Variants in SLCO2A1 observed in about 807,000 individuals in gnomAD.
SLCO2A1 encodes solute carrier organic anion transporter family member 2A1.
Under a neutral mutation model 71.7 loss-of-function variants are expected in SLCO2A1, and 60 were observed. That is an observed-to-expected ratio of 0.84 (90% CI 0.68 to 1.04). SLCO2A1 has a LOEUF of 1.04. Among genes scored for constraint, SLCO2A1 ranks in the 50% least tolerant of loss-of-function variants. The probability of loss-of-function intolerance (pLI) is 0.00; values close to 1 mark genes in which losing one functional copy is unlikely to be tolerated. For missense variants in SLCO2A1, 745 were observed against 813.4 expected, an observed-to-expected ratio of 0.92 and a Z score of 1.02; for synonymous variants, 308 against 326.7, an observed-to-expected ratio of 0.94 and a Z score of 0.62.
At chr3:133,939,059 T>G (rs1028898650) in intron 11 of SLCO2A1, among the ~76,000 whole-genome samples, 1 of 152,164 alleles carries the variant, frequency 6.6e-6, no homozygotes, top group African/African-American at 2.4e-5. Flanking sequence ...GCTAGCTCTG[T>G]GGGTGTGTGC....
intron 1 of SLCO2A1, among the ~76,000 whole-genome samples, chr3:133,999,532 G>T (rs1231984077): frequency 6.6e-6 from 1 of 152,226 alleles, no homozygotes; most frequent in East Asian, 1.9e-4. Context: ...CTAAGATGAG[G>T]CACATGCACA....
chr3:133,996,731 C>T lies in SLCO2A1; in HGVS notation c.97-17113G>A, dbSNP rs563500692. On this transcript the variant is annotated intron_variant, in intron 1 of 13. Transcript: ENST00000310926. ...ATCATTCCAAAAGTGATGAGCAGCC[C>T]CCTGAAAACTGCGTCCCATATACAG... Among the ~76,000 whole-genome samples, 7 of 152,274 alleles carry T rather than the reference C, an allele frequency of 4.6e-5. No individual in the cohort carries two copies. In the South Asian group the frequency reaches 1.0e-3, roughly 23 times the overall value.
chr3:133,982,798 C>T (rs1934624209), intron 1 of SLCO2A1, among the ~76,000 whole-genome samples: 1 of 152,054 alleles, frequency 6.6e-6, no homozygotes, highest in Non-Finnish European at 1.5e-5. Context: ...TTCCACCACA[C>T]CACCCCAGGG....
chr3:133,982,955 G>A (rs770765639), intron 1 of SLCO2A1, among the ~76,000 whole-genome samples: 14 of 152,124 alleles, frequency 9.2e-5, no homozygotes, highest in South Asian at 2.1e-4. Flanking sequence ...AGATGCTACA[G>A]TCCTGGACCC....
chr3:133,965,019 T>C (rs1212280848), intron 3 of SLCO2A1, among the ~76,000 whole-genome samples: 1 of 152,104 alleles, frequency 6.6e-6, no homozygotes, highest in Non-Finnish European at 1.5e-5. Flanking sequence ...AATTTTAACA[T>C]GCAAAGAAAT....
intron 1 of SLCO2A1, among the ~76,000 whole-genome samples, chr3:134,013,456 C>A (rs1376236299): frequency 1.3e-5 from 2 of 152,326 alleles, no homozygotes; most frequent in South Asian, 2.1e-4. Context: ...TGCCCCCCAC[C>A]AACAGGGCCT....
At chr3:134,018,457 C>A (rs904668040) in intron 1 of SLCO2A1, among the ~76,000 whole-genome samples, 1 of 152,208 alleles carries the variant, frequency 6.6e-6, no homozygotes, top group African/African-American at 2.4e-5. Flanking sequence ...ATTCTCCCCC[C>A]ATTTTTTGGT....
intron 3 of SLCO2A1, among the ~76,000 whole-genome samples, chr3:133,969,554 C>CTTT (rs796569155): frequency 3.4e-5 from 5 of 147,352 alleles, no homozygotes; most frequent in South Asian, 4.4e-4. Flanking sequence ...GCCCGGCTAA[C>CTTT]TTTTTTTTTT....
chr3:134,029,753 G>A lies in SLCO2A1; in HGVS notation c.50C>T (p.Thr17Ile), dbSNP rs201058175. 1.3e-6 allele frequency: 2 copies of A among 1,584,784 alleles called. No individual in the cohort carries two copies. Among genetic ancestry groups the A allele is most frequent in the East Asian group, 4.7e-5 (2 of 42,118 alleles). Reference protein sequence around the residue: ...LGASQGSDTSTSRAGRCARSV... With the variant: ...LGASQGSDTSISRAGRCARSV... ...GCGGGCACAGCGGCCGGCTCGGCTA[G>A]TAGAGGTGTCGCTGCCCTGGGACGC... Residue 17 changes from threonine to isoleucine, a missense_variant, in exon 1 of 14, where the codon ACT becomes ATT. By Grantham distance (89) the Thr-to-Ile change is moderately conservative. Coordinates refer to ENST00000310926, the MANE Select transcript of SLCO2A1 (RefSeq NM_005630.3).
At chr3:133,961,854 A>G (rs1934043685) in intron 3 of SLCO2A1, among the ~76,000 whole-genome samples, 1 of 152,180 alleles carries the variant, frequency 6.6e-6, no homozygotes, top group Non-Finnish European at 1.5e-5. Context: ...AAGTTCTGAC[A>G]CATATAAAAA....
At chr3:133,969,396 C>T (rs1045532747) in intron 3 of SLCO2A1, among the ~76,000 whole-genome samples, 1 of 152,156 alleles carries the variant, frequency 6.6e-6, no homozygotes, top group Non-Finnish European at 1.5e-5. Flanking sequence ...CACCACTTCA[C>T]TCCAGCCTGG....
intron 1 of SLCO2A1, among the ~76,000 whole-genome samples, chr3:134,023,146 AAACAAAC>A (rs1323048288): frequency 1.9e-4 from 28 of 150,518 alleles, no homozygotes; most frequent in South Asian, 1.5e-3. Context: ...ACAAACAAAC[AAACAAAC>A]AAAAGAATGG....
At chr3:133,955,265 C>T in intron 3 of SLCO2A1, 72 bp from the exon 4 acceptor site, 4 of 1,384,062 alleles carry the variant, frequency 2.9e-6, no homozygotes, top group Non-Finnish European at 4.0e-6. Flanking sequence ...CCAAACCCGG[C>T]CTTTCTCCCA....
intron 1 of SLCO2A1, among the ~76,000 whole-genome samples, chr3:134,017,455 G>A (rs1935478892): frequency 6.6e-6 from 1 of 152,196 alleles, no homozygotes; most frequent in African/African-American, 2.4e-5. Flanking sequence ...GATACAGACA[G>A]GTGCAGATTC....
At chr3:133,986,273 T>TTTTTTG (rs1482248781) in intron 1 of SLCO2A1, among the ~76,000 whole-genome samples, 68 of 150,822 alleles carry the variant, frequency 4.5e-4, no homozygotes, top group African/African-American at 1.6e-3. Context: ...TTGTTTTTTG[T>TTTTTTG]TTTTTCAATC....
chr3:133,957,320 A>C (rs1933923020), intron 3 of SLCO2A1, among the ~76,000 whole-genome samples: 1 of 152,100 alleles, frequency 6.6e-6, no homozygotes, highest in African/African-American at 2.4e-5. Context: ...TACCGTAGAG[A>C]TCCAAGTCCT....
intron 1 of SLCO2A1, among the ~76,000 whole-genome samples, chr3:134,015,045 C>T (rs1935417876): frequency 6.6e-6 from 1 of 152,078 alleles, no homozygotes; most frequent in African/African-American, 2.4e-5. Context: ...TCCTAAAAGC[C>T]AGAATAGAAG....
intron 11 of SLCO2A1, among the ~76,000 whole-genome samples, chr3:133,939,675 C>T (rs1298665070): frequency 6.6e-6 from 1 of 152,216 alleles, no homozygotes; most frequent in Non-Finnish European, 1.5e-5. Context: ...ACAGATCCCT[C>T]CAGTGGTCCA....
intron 3 of SLCO2A1, among the ~76,000 whole-genome samples, chr3:133,966,244 T>C (rs1934162955): frequency 6.6e-6 from 1 of 152,230 alleles, no homozygotes; most frequent in East Asian, 1.9e-4. Context: ...AGTTGAATAA[T>C]TTCAGCACAG....
Sources: gnomAD v4.1 joint callset for allele counts (sites outside exome capture counted in the v4.1 genomes callset) on GRCh38, gnomAD v4.1.1 for gene constraint, MANE v1.5 for transcripts, NCBI Gene and HGNC (gene_info 2026-07-23, HGNC 2026-07-21) for gene names.